The following TRIM32 variants were observed in gnomAD, a reference collection of about 807,000 sequenced individuals.
TRIM32 encodes E3 ubiquitin-protein ligase TRIM32.
In TRIM32, 19 loss-of-function variants were observed where a neutral mutation model predicts 36.0. That is an observed-to-expected ratio of 0.53 (90% CI 0.37 to 0.77). The LOEUF (loss-of-function observed/expected upper bound fraction) is 0.77, where lower values mean the gene tolerates loss of function less well. TRIM32 is among the 30% of genes least tolerant of loss of function. The pLI is 0.00. For synonymous variants in TRIM32, 309 were observed against 318.5 expected (o/e 0.97, Z 0.32); for missense variants, 747 against 845.2 (o/e 0.88, Z 1.44).
rs372116948 is a variant in TRIM32 at position 116,696,039 on chromosome 9, C to T, written c.-81-1623C>T. On this transcript the variant is annotated intron_variant, in intron 1 of 1. Coordinates refer to ENST00000450136, the MANE Select transcript of TRIM32 (RefSeq NM_012210.4). ...AATCTTTCCATTTCCACCACCTGCTCCCTAGTTCAGACTCCCCATTATCCC... is the reference window on the plus strand; with the variant it reads ...AATCTTTCCATTTCCACCACCTGCTTCCTAGTTCAGACTCCCCATTATCCC... Among the ~76,000 whole-genome samples the T allele has an allele frequency of 4.2e-4, 64 of 152,276 alleles. 2 individuals are homozygous for T. The highest frequency in any genetic ancestry group is 1.4e-3 in the African/African-American group (59 of 41,548).
At position 116,697,084 on chromosome 9, in the gene TRIM32, T is replaced by C. The variant is rs191049736; in HGVS notation, c.-81-578T>C. ...CTGCTTTTGGGAAGCCTTCCCCAAG[T>C]CTGTTAGGTAGAATCCATCATTCCA... On this transcript the variant is annotated intron_variant, in intron 1 of 1. Transcript: ENST00000450136. Among the ~76,000 whole-genome samples, 60 of 152,302 alleles carry C rather than the reference T, an allele frequency of 3.9e-4. No homozygotes were observed. In the East Asian group the frequency reaches 0.011, roughly 28 times the overall value.
At position 116,698,532 on chromosome 9, in the gene TRIM32, G is replaced by C. The variant is rs1861002629; in HGVS notation, c.790G>C (p.Glu264Gln). 1 of 1,613,852 alleles carries C rather than the reference G, an allele frequency of 6.2e-7. No individual in the cohort carries two copies. The highest frequency in any genetic ancestry group is 2.2e-5 in the East Asian group (1 of 44,876). The change falls in exon 2 of 2, where the codon GAG becomes CAG. Residue 264 changes from glutamate (E) to glutamine (Q), a missense_variant. Transcript: ENST00000450136. The surrounding 1 kb of genome is among the most constrained non-coding windows in gnomAD (Gnocchi z 4.4). ...LEETADEEEP[E>Q]LTASLPRELT... ...GGAGACAGCTGATGAGGAGGAGCCA[G>C]AGCTCACTGCCAGCTTGCCTCGGGA... is the stretch of plus-strand genomic sequence containing the variant.
intron 1 of TRIM32, among the ~76,000 whole-genome samples, chr9:116,691,818 G>C (rs1860582160): frequency 6.6e-6 from 1 of 152,156 alleles, no homozygotes; most frequent in Non-Finnish European, 1.5e-5. Flanking sequence ...TTTTGCACTT[G>C]ATTAGCATTC....
At chr9:116,691,790 T>G (rs803938) in intron 1 of TRIM32, among the ~76,000 whole-genome samples, 1 of 152,088 alleles carries the variant, frequency 6.6e-6, no homozygotes, top group Non-Finnish European at 1.5e-5. Context: ...CGAGTGGCCT[T>G]TGGTGGCACA....
At position 116,699,391 on chromosome 9, in the gene TRIM32, T is replaced by G; in HGVS notation, c.1649T>G (p.Phe550Cys). 1 of 1,614,162 alleles carries G rather than the reference T, an allele frequency of 6.2e-7. No individual in the cohort carries two copies. Among genetic ancestry groups the G allele is most frequent in the Non-Finnish European group, 8.5e-7 (1 of 1,180,038 alleles). The change falls in exon 2 of 2, where the codon TTT (phenylalanine) becomes TGT (cysteine). Residue 550 changes from phenylalanine (F) to cysteine (C), a missense_variant. Physicochemically the swap from Phe to Cys is radical, Grantham distance 205. Coordinates refer to ENST00000450136, the MANE Select transcript of TRIM32 (RefSeq NM_012210.4). The surrounding 1 kb of genome is among the most constrained non-coding windows in gnomAD (Gnocchi z 4.2). ...AATGAGCACCACCTGGAGGGTGGCT[T>G]TTCCATTGGCTCTGTAGGCCCTGAT... ...RQNEHHLEGG[F>C]SIGSVGPDGQ...
Position 116,698,429 on chromosome 9 carries a change from C to G in TRIM32, c.687C>G (p.Asn229Lys). The change falls in exon 2 of 2, where the codon AAC becomes AAG. Residue 229 changes from asparagine (N) to lysine (K), a missense_variant. Coordinates refer to ENST00000450136, the MANE Select transcript of TRIM32 (RefSeq NM_012210.4). This position sits in a 1 kb window ranked among gnomAD's most constrained non-coding sequence, Gnocchi z 4.4. Reference protein sequence around the residue: ...QVVEEQSYLLNIAEVQAVSRC... With the variant: ...QVVEEQSYLLKIAEVQAVSRC... ...TAGAGGAGCAGAGTTACCTGCTTAA[C>G]ATTGCAGAGGTGCAGGCTGTGTCTC... is the stretch of plus-strand genomic sequence containing the variant. 1 of 1,614,096 alleles carries G rather than the reference C, an allele frequency of 6.2e-7. No homozygotes were observed. Among genetic ancestry groups the G allele is most frequent in the Non-Finnish European group, 8.5e-7 (1 of 1,180,028 alleles).
At position 116,699,906 on chromosome 9, in the gene TRIM32, A is replaced by G. The variant is rs1861090032; in HGVS notation, c.*202A>G. The G allele has an allele frequency of 1.4e-6, 1 of 718,346 alleles. No individual in the cohort carries two copies. Among genetic ancestry groups the G allele is most frequent in the Non-Finnish European group, 2.3e-6 (1 of 430,412 alleles). The allele number at this position is 718,346 out of a possible 1,614,324, so 44.5% of individuals were successfully genotyped here. On this transcript the variant is annotated 3_prime_UTR_variant, in exon 2 of 2. Coordinates refer to ENST00000450136, the MANE Select transcript of TRIM32 (RefSeq NM_012210.4). This position sits in a 1 kb window ranked among gnomAD's most constrained non-coding sequence, Gnocchi z 4.2. ...CTTCCCACCTAAATTTAGAGCTTTA[A>G]AAGATGCACTGCCCAAATAGGACAC...
chr9:116,696,624 A>G (rs1426287736), intron 1 of TRIM32, among the ~76,000 whole-genome samples: 1 of 152,128 alleles, frequency 6.6e-6, no homozygotes, highest in African/African-American at 2.4e-5. Context: ...ATGACTCCTC[A>G]ACCCCCATCA....
Position 116,698,634 on chromosome 9 carries a change from C to T in TRIM32, c.892C>T (p.Pro298Ser), listed in dbSNP as rs767423594. Residue 298 changes from proline to serine, a missense_variant, in exon 2 of 2, where the codon CCC becomes TCC. By Grantham distance (74) the Pro-to-Ser change is moderately conservative (BLOSUM62 -1). Transcript: ENST00000450136. This position sits in a 1 kb window ranked among gnomAD's most constrained non-coding sequence, Gnocchi z 4.4. Reference sequence around the variant, plus strand: ...CCAAATTGGACAAGCTGTTAAGAAGCCCCGGACAGTTAACGTGGAAGATTC... The same window carrying T: ...CCAAATTGGACAAGCTGTTAAGAAGTCCCGGACAGTTAACGTGGAAGATTC... The part of the protein sequence containing the change: ...PLQIGQAVKK[P>S]RTVNVEDSWA... 6.2e-7 allele frequency: 1 copy of T among 1,613,964 alleles called. No homozygotes were observed. Among genetic ancestry groups the T allele is most frequent in the Non-Finnish European group, 8.5e-7 (1 of 1,180,040 alleles).
chr9:116,698,625 G>C lies in TRIM32; in HGVS notation c.883G>C (p.Val295Leu). 6.2e-7 allele frequency: 1 copy of C among 1,614,146 alleles called. No individual in the cohort carries two copies. Among genetic ancestry groups the C allele is most frequent in the Non-Finnish European group, 8.5e-7 (1 of 1,180,038 alleles). The change falls in exon 2 of 2, where the codon GTT becomes CTT. Residue 295 changes from valine to leucine, a missense_variant. Physicochemically the swap from Val to Leu is conservative, Grantham distance 32 (BLOSUM62 1). Transcript: ENST00000450136. The surrounding 1 kb of genome is among the most constrained non-coding windows in gnomAD (Gnocchi z 4.4). ...HVGPLQIGQA[V>L]KKPRTVNVED... ...TGGCCCCCTCCAAATTGGACAAGCTGTTAAGAAGCCCCGGACAGTTAACGT... is the reference window on the plus strand; with the variant it reads ...TGGCCCCCTCCAAATTGGACAAGCTCTTAAGAAGCCCCGGACAGTTAACGT...
At position 116,697,987 on chromosome 9, in the gene TRIM32, T is replaced by G. The variant is rs1451261465; in HGVS notation, c.245T>G (p.Val82Gly). ...SLTQLTDNLT[V>G]LKIIDTAGLS... ...ACCCAGCTGACAGACAATCTGACAG[T>G]GCTAAAGATCATTGATACAGCTGGG... The change falls in exon 2 of 2, where the codon GTG becomes GGG. Residue 82 changes from valine (V) to glycine (G), a missense_variant. Physicochemically the swap from Val to Gly is moderately radical, Grantham distance 109 (BLOSUM62 -3). Transcript: ENST00000450136. The G allele has an allele frequency of 6.2e-7, 1 of 1,614,084 alleles. No individual in the cohort carries two copies. The highest frequency in any genetic ancestry group is 8.5e-7 in the Non-Finnish European group (1 of 1,180,058).
intron 1 of TRIM32, among the ~76,000 whole-genome samples, chr9:116,691,448 G>A (rs1860562128): frequency 6.6e-6 from 1 of 152,202 alleles, no homozygotes; most frequent in Non-Finnish European, 1.5e-5. Flanking sequence ...GGAAGACAGA[G>A]ACAACAGGCA....
At position 116,698,946 on chromosome 9, in the gene TRIM32, G is replaced by A. The variant is rs555106908; in HGVS notation, c.1204G>A (p.Gly402Ser). The A allele has an allele frequency of 1.2e-6, 2 of 1,614,222 alleles. No homozygotes were observed. The highest frequency in any genetic ancestry group is 3.3e-5 in the Admixed American group (2 of 60,028). Residue 402 changes from glycine (G) to serine (S), a missense_variant, in exon 2 of 2, where the codon GGC (glycine) becomes AGC (serine). Physicochemically the swap from Gly to Ser is moderately conservative, Grantham distance 56. Coordinates refer to ENST00000450136, the MANE Select transcript of TRIM32 (RefSeq NM_012210.4). This position sits in a 1 kb window ranked among gnomAD's most constrained non-coding sequence, Gnocchi z 4.4. ...NYRIQVFTRK[G>S]FLKEIRRSPS... Reference sequence around the variant, plus strand: ...TCGTATACAAGTCTTTACCCGCAAAGGCTTTTTGAAGGAAATCCGCCGCAG... The same window carrying A: ...TCGTATACAAGTCTTTACCCGCAAAAGCTTTTTGAAGGAAATCCGCCGCAG...
intron 1 of TRIM32, among the ~76,000 whole-genome samples, chr9:116,690,444 C>A (rs1860508129): frequency 6.6e-6 from 1 of 152,180 alleles, no homozygotes; most frequent in Admixed American, 6.5e-5. Context: ...CCCTTCAGAG[C>A]CCCTATGTTT....
Position 116,699,801 on chromosome 9 carries a change from G to C in TRIM32, c.*97G>C, listed in dbSNP as rs1309787967. The C allele has an allele frequency of 1.1e-5, 17 of 1,545,630 alleles. No homozygotes were observed. The East Asian group carries it at 2.7e-4, about 25-fold the overall frequency. ...CACATGCAGAATAGACTCAGCCTAT[G>C]TCCTGATTCCAGCTGGGTAGTTCTA... On this transcript the variant is annotated 3_prime_UTR_variant, in exon 2 of 2. Coordinates refer to ENST00000450136, the MANE Select transcript of TRIM32 (RefSeq NM_012210.4). This position sits in a 1 kb window ranked among gnomAD's most constrained non-coding sequence, Gnocchi z 4.2.
At chr9:116,693,657 C>T (rs1399006052) in intron 1 of TRIM32, among the ~76,000 whole-genome samples, 1 of 152,162 alleles carries the variant, frequency 6.6e-6, no homozygotes, top group Non-Finnish European at 1.5e-5. Context: ...AGGAAACAGA[C>T]ATTCAAGGGA....
At chr9:116,688,577 C>G (rs983813392) in intron 1 of TRIM32, among the ~76,000 whole-genome samples, 1 of 152,120 alleles carries the variant, frequency 6.6e-6, no homozygotes, top group African/African-American at 2.4e-5. Flanking sequence ...ATTTATTAAA[C>G]AAAGATCCGT....
Position 116,698,641 on chromosome 9 carries a change from C to T in TRIM32, c.899C>T (p.Thr300Ile), listed in dbSNP as rs1010496243. 3.7e-6 allele frequency: 6 copies of T among 1,614,048 alleles called. No individual in the cohort carries two copies. Among genetic ancestry groups the T allele is most frequent in the Non-Finnish European group, 5.1e-6 (6 of 1,180,044 alleles). ...GGACAAGCTGTTAAGAAGCCCCGGA[C>T]AGTTAACGTGGAAGATTCCTGGGCC... ...QIGQAVKKPRTVNVEDSWAME... is the reference protein window; with the variant it reads ...QIGQAVKKPRIVNVEDSWAME... The change falls in exon 2 of 2, where the codon ACA becomes ATA. Residue 300 changes from threonine (T) to isoleucine (I), a missense_variant. Transcript: ENST00000450136. This position sits in a 1 kb window ranked among gnomAD's most constrained non-coding sequence, Gnocchi z 4.4.
intron 1 of TRIM32, among the ~76,000 whole-genome samples, chr9:116,689,250 C>T (rs1347976115): frequency 6.6e-6 from 1 of 152,136 alleles, no homozygotes; most frequent in Non-Finnish European, 1.5e-5. Context: ...CTCTTCCTGA[C>T]TTTGTGGCCT....
Sources: gnomAD v4.1 joint callset for allele counts (sites outside exome capture counted in the v4.1 genomes callset) on GRCh38, gnomAD v4.1.1 for gene constraint, Gnocchi (gnomAD v3.1) non-coding constraint, MANE v1.5 for transcripts, NCBI Gene and HGNC (gene_info 2026-07-23, HGNC 2026-07-21) for gene names.